Variants in SMIM9 observed in about 807,000 individuals in gnomAD.
The protein encoded by SMIM9 is small integral membrane protein 9.
Under a neutral mutation model 7.2 loss-of-function variants are expected in SMIM9, and 8 were observed. The ratio of observed to expected loss-of-function variants is 1.10; its 90% confidence interval spans 0.65 to 1.99. The LOEUF is 1.99. SMIM9 is among the 30% of genes most tolerant of loss of function. The pLI, the probability that SMIM9 is intolerant of heterozygous loss-of-function variation, is 0.00. For missense variants in SMIM9, 76 were observed against 69.3 expected, an observed-to-expected ratio of 1.10 and a Z score of -0.34; for synonymous variants, 19 against 26.4, an observed-to-expected ratio of 0.72 and a Z score of 0.86.
intron 4 of SMIM9, among the ~76,000 whole-genome samples, chrX:154,828,362 A>G (rs782005593): frequency 1.8e-4 from 20 of 111,467 alleles, no homozygotes; most frequent in Non-Finnish European, 3.2e-4. Flanking sequence ...CCCATTTGGA[A>G]ATAGGAAGAA....
intron 1 of SMIM9, among the ~76,000 whole-genome samples, chrX:154,833,737 A>C (rs1278645326): frequency 9.0e-6 from 1 of 111,655 alleles, no homozygotes; most frequent in Admixed American, 9.5e-5. Flanking sequence ...AAAAAATGCA[A>C]ATCAAGTCGA....
intron 2 of SMIM9, among the ~76,000 whole-genome samples, chrX:154,832,299 G>A (rs905920916): frequency 3.3e-4 from 37 of 111,471 alleles, no homozygotes; most frequent in African/African-American, 1.2e-3. Context: ...AAGGCTTTTT[G>A]CTGTCTTGAT....
At chrX:154,823,825 G>T (rs1557270041) in intron 4 of SMIM9, 43 bp from the exon 5 acceptor site, 2 of 1,122,345 alleles carry the variant, frequency 1.8e-6, no homozygotes, top group South Asian at 4.3e-5. Context: ...GCACAGAGTT[G>T]CTATATAATT....
intron 3 of SMIM9, 109 bp from the exon 4 acceptor site, chrX:154,829,773 C>T (rs987268784): frequency 1.1e-5 from 9 of 842,597 alleles, no homozygotes; most frequent in Non-Finnish European, 1.5e-5. Context: ...CATGTTCTTA[C>T]AGTTGTCCAG....
intron 2 of SMIM9, among the ~76,000 whole-genome samples, chrX:154,832,165 T>C (rs2072448434): frequency 9.0e-6 from 1 of 110,856 alleles, no homozygotes; most frequent in Admixed American, 9.7e-5. Context: ...ATTTACTACA[T>C]CCAACTAGAT....
chrX:154,833,423 G>A (rs1048330169), intron 1 of SMIM9, among the ~76,000 whole-genome samples: 8 of 112,068 alleles, frequency 7.1e-5, no homozygotes, highest in Non-Finnish European at 1.5e-4. Context: ...CCAGGAGTTC[G>A]AGACCAGCCT....
chrX:154,826,586 T>C (rs2148551603), intron 4 of SMIM9, among the ~76,000 whole-genome samples: 1 of 112,641 alleles, frequency 8.9e-6, no homozygotes, highest in Admixed American at 9.4e-5. Context: ...TTGTATCAAA[T>C]GTTTTGAATT....
chrX:154,833,917 C>A (rs2148553911), intron 1 of SMIM9, among the ~76,000 whole-genome samples: 1 of 112,375 alleles, frequency 8.9e-6, no homozygotes, highest in South Asian at 3.7e-4. Flanking sequence ...GTCCTCCAGT[C>A]TCCCCCAGTT....
chrX:154,830,511 A>G (rs1245310713), intron 3 of SMIM9: 3 of 394,042 alleles, frequency 7.6e-6, no homozygotes, highest in African/African-American at 5.2e-5. Context: ...AGGCTGTTCA[A>G]TTCCTAATCC....
intron 4 of SMIM9, among the ~76,000 whole-genome samples, chrX:154,826,150 G>A (rs915785880): frequency 1.1e-4 from 12 of 110,704 alleles, no homozygotes; most frequent in East Asian, 2.8e-4. Flanking sequence ...TCTCTTCATC[G>A]AAGAAATCAT....
chrX:154,823,506 C>A lies in SMIM9; in HGVS notation c.*249G>T. ...TAGAATTATGGAAACTTACTCTTTT[C>A]TCTGTATTTCTCAAATTTTTTTTGC... On this transcript the variant is annotated 3_prime_UTR_variant, in exon 5 of 5. Transcript: ENST00000369529. 1 of 288,762 alleles carries A rather than the reference C, an allele frequency of 3.5e-6. No homozygotes were observed. Among genetic ancestry groups the A allele is most frequent in the Non-Finnish European group, 6.1e-6 (1 of 164,941 alleles). 23.8% of individuals were successfully genotyped at this position (288,762 alleles called of 1,213,427 possible).
chrX:154,829,589 G>C lies in SMIM9; in HGVS notation c.218C>G (p.Ala73Gly). 1 of 1,167,579 alleles carries C rather than the reference G, an allele frequency of 8.6e-7. No homozygotes were observed. Among genetic ancestry groups the C allele is most frequent in the African/African-American group, 1.8e-5 (1 of 56,282 alleles). ...QLIKSALPPA[A>G]IVAFLLTSAL... ...TGAGGTGAGAAGAAAAGCAACAATG[G>C]CTGCTGGAGGTAAGGCACTCTTGAT... Residue 73 changes from alanine (A) to glycine (G), a missense_variant, in exon 4 of 5, where the codon GCC becomes GGC. By Grantham distance (60) the Ala-to-Gly change is moderately conservative. Coordinates refer to ENST00000369529, the MANE Select transcript of SMIM9 (RefSeq NM_001162936.4).
At chrX:154,823,867 C>T (rs1557270044) in intron 4 of SMIM9, 85 bp from the exon 5 acceptor site, 1 of 872,581 alleles carries the variant, frequency 1.1e-6, no homozygotes. Flanking sequence ...GATTTGACAC[C>T]AGTTTTTCTC....
chrX:154,828,575 G>T (rs1180860863), intron 4 of SMIM9, among the ~76,000 whole-genome samples: 2 of 111,681 alleles, frequency 1.8e-5, no homozygotes, highest in African/African-American at 3.3e-5. Context: ...TCTTTTTCAT[G>T]GAAAGGTGGA....
chrX:154,833,720 TA>T (rs200851742), intron 1 of SMIM9, among the ~76,000 whole-genome samples: 140 of 95,229 alleles, frequency 1.5e-3, no homozygotes, highest in Admixed American at 1.5e-3. Flanking sequence ...GAACTTAAAG[TA>T]AAAAAAAAAA....
In SMIM9 at chrX:154,823,695, C is replaced by T. The variant is rs180879994; in HGVS notation, c.*60G>A. On this transcript the variant is annotated 3_prime_UTR_variant, in exon 5 of 5. Transcript: ENST00000369529. ...CTCATTTTAAGCAGATAGCAAATGC[C>T]CCACTCTTTTGGAGTCCAACTGGAG... is the stretch of plus-strand genomic sequence containing the variant. 4.9e-6 allele frequency: 5 copies of T among 1,027,783 alleles called. No individual in the cohort carries two copies. The East Asian group carries it at 1.4e-4, about 28-fold the overall frequency. The allele number at this position is 1,027,783 out of a possible 1,213,427, so 84.7% of individuals were successfully genotyped here.
chrX:154,833,168 A>G (rs2072451898), intron 1 of SMIM9, among the ~76,000 whole-genome samples: 2 of 112,700 alleles, frequency 1.8e-5, no homozygotes, highest in South Asian at 3.6e-4. Context: ...ATAAATGAAA[A>G]TGCTGATAAA....
At chrX:154,830,101 C>T (rs1222283760) in intron 3 of SMIM9, among the ~76,000 whole-genome samples, 3 of 111,398 alleles carry the variant, frequency 2.7e-5, no homozygotes, top group African/African-American at 9.8e-5. Flanking sequence ...AGAAAGGGGC[C>T]AGGGCCACTG....
chrX:154,829,758 G>C, intron 3 of SMIM9, 94 bp from the exon 4 acceptor site: 1 of 953,420 alleles, frequency 1.0e-6, no homozygotes, highest in South Asian at 2.3e-5. Context: ...AGTTGTCCCA[G>C]ATATCATGTT....
Sources: gnomAD v4.1 joint callset for allele counts (sites outside exome capture counted in the v4.1 genomes callset) on GRCh38, gnomAD v4.1.1 for gene constraint, MANE v1.5 for transcripts, NCBI Gene and HGNC (gene_info 2026-07-23, HGNC 2026-07-21) for gene names.